FOXP1: variants seen among roughly 807,000 people sequenced by gnomAD.
FOXP1 encodes forkhead box protein P1.
In FOXP1, 15 loss-of-function variants were observed where a neutral mutation model predicts 98.2. That is an observed-to-expected ratio of 0.15 (90% confidence interval 0.10 to 0.24). The LOEUF (loss-of-function observed/expected upper bound fraction) is 0.24, where lower values mean the gene tolerates loss of function less well. Among genes scored for constraint, FOXP1 ranks in the 10% least tolerant of loss-of-function variants. The pLI is 1.00. For missense variants in FOXP1, 633 were observed against 848.5 expected (o/e 0.75, Z 3.15); for synonymous variants, 371 against 314.5 (o/e 1.18, Z -1.90).
chr3:71,271,265 A>T (rs1576687721), intron 5 of FOXP1, among the ~76,000 whole-genome samples: 1 of 152,224 alleles, frequency 6.6e-6, no homozygotes, highest in Non-Finnish European at 1.5e-5. Context: ...ACAGAAACAT[A>T]TCTAAAGATC....
chr3:71,313,564 C>T (rs1246180533), intron 4 of FOXP1, among the ~76,000 whole-genome samples: 1 of 151,512 alleles, frequency 6.6e-6, no homozygotes. Flanking sequence ...CTCGCACTCT[C>T]GCCCAGGCTG....
At chr3:71,231,224 G>A (rs1465578109) in intron 5 of FOXP1, among the ~76,000 whole-genome samples, 1 of 152,160 alleles carries the variant, frequency 6.6e-6, no homozygotes, top group East Asian at 1.9e-4. Context: ...GAAAGATGAA[G>A]ATGTAGGCTT....
At chr3:71,452,345 G>T (rs556734084) in intron 3 of FOXP1, among the ~76,000 whole-genome samples, 35 of 152,208 alleles carry the variant, frequency 2.3e-4, no homozygotes, top group African/African-American at 8.4e-4. Context: ...GAAATGGAAA[G>T]GTATTTATTC....
rs1576345628 is a variant in FOXP1 at position 71,036,863 on chromosome 3, T to C, written c.869+4465A>G. Among the ~76,000 whole-genome samples the C allele has an allele frequency of 2.0e-5, 3 of 152,364 alleles. No individual in the cohort carries two copies. The East Asian group carries it at 5.8e-4, about 29-fold the overall frequency. On this transcript the variant is annotated intron_variant, in intron 11 of 20. Transcript: ENST00000649528. Reference sequence around the variant, plus strand: ...ATTTGCACACAGTAGGTTAACTTAATACGTGTTTTGTCAAATTGAATTTCA... The same window carrying C: ...ATTTGCACACAGTAGGTTAACTTAACACGTGTTTTGTCAAATTGAATTTCA...
intron 14 of FOXP1, among the ~76,000 whole-genome samples, chr3:70,984,289 A>G (rs1172257025): frequency 6.6e-6 from 1 of 152,222 alleles, no homozygotes; most frequent in Non-Finnish European, 1.5e-5. Context: ...CTCACCAATC[A>G]GAGGGACCGA....
chr3:71,195,352 A>G (rs1293540608), intron 6 of FOXP1, among the ~76,000 whole-genome samples: 1 of 152,186 alleles, frequency 6.6e-6, no homozygotes, highest in African/African-American at 2.4e-5. Context: ...TGAAGCAAAC[A>G]TGGAAAGGTT....
At chr3:71,460,082 C>T (rs1348935240) in intron 3 of FOXP1, among the ~76,000 whole-genome samples, 3 of 151,582 alleles carry the variant, frequency 2.0e-5, no homozygotes, top group African/African-American at 7.3e-5. Flanking sequence ...TACAGGCGCC[C>T]ACCACCATGC....
chr3:71,252,634 A>C (rs1174547996), intron 5 of FOXP1, among the ~76,000 whole-genome samples: 1 of 152,182 alleles, frequency 6.6e-6, no homozygotes, highest in African/African-American at 2.4e-5. Flanking sequence ...TGGTTTACTT[A>C]CGTCACCCAG....
At position 71,019,823 on chromosome 3, in the gene FOXP1, C is replaced by A. The variant is rs11916722; in HGVS notation, c.870-4170G>T. On this transcript the variant is annotated intron_variant, in intron 11 of 20. Transcript: ENST00000649528. ...CCAGCCTGGGCGACAGATGACAGAG[C>A]GAGACACGGTCCCCCCCCCAAAAAA... Among the ~76,000 whole-genome samples the A allele has an allele frequency of 7.0e-3, 1,037 of 148,194 alleles. 17 individuals carry two copies. The highest frequency in any genetic ancestry group is 0.026 in the African/African-American group (997 of 38,340).
chr3:71,082,022 T>C (rs2054479408), intron 7 of FOXP1, among the ~76,000 whole-genome samples: 1 of 152,150 alleles, frequency 6.6e-6, no homozygotes, highest in African/African-American at 2.4e-5. Context: ...CTCACGCCTG[T>C]AATCCCAGCA....
intron 5 of FOXP1, among the ~76,000 whole-genome samples, chr3:71,268,759 T>C (rs923061506): frequency 6.6e-6 from 1 of 152,158 alleles, no homozygotes; most frequent in African/African-American, 2.4e-5. Flanking sequence ...TTATCGCTGG[T>C]GTGCTGTCAA....
Position 71,197,767 on chromosome 3 carries a change from C to T in FOXP1, c.180+435G>A, listed in dbSNP as rs2293137. On this transcript the variant is annotated intron_variant, in intron 6 of 20. Transcript: ENST00000649528. Reference sequence around the variant, plus strand: ...CTTTCTATGTATTTATTTCAACTCTCCTTACTCATCTACTCTTTTTCTCTC... The same window carrying T: ...CTTTCTATGTATTTATTTCAACTCTTCTTACTCATCTACTCTTTTTCTCTC... The T allele has an allele frequency of 0.17, 166,435 of 1,005,462 alleles. 15,556 individuals carry two copies. Among genetic ancestry groups the T allele is most frequent in the Admixed American group, 0.32 (13,393 of 42,370 alleles). 62.3% of individuals were successfully genotyped at this position (1,005,462 alleles called of 1,614,324 possible).
intron 6 of FOXP1, among the ~76,000 whole-genome samples, chr3:71,127,659 G>A (rs1188877786): frequency 1.3e-5 from 2 of 152,152 alleles, no homozygotes; most frequent in South Asian, 2.1e-4. Flanking sequence ...AGATCACAGC[G>A]CTTCCAGGTC....
intron 3 of FOXP1, among the ~76,000 whole-genome samples, chr3:71,434,619 A>G (rs559718366): frequency 7.1e-6 from 1 of 140,178 alleles, no homozygotes; most frequent in African/African-American, 2.8e-5. Context: ...GGTGACCCTC[A>G]TGAGGGGATG....
chr3:71,010,916 C>T (rs1305607296), intron 12 of FOXP1, among the ~76,000 whole-genome samples: 2 of 133,294 alleles, frequency 1.5e-5, no homozygotes, highest in Non-Finnish European at 3.1e-5. Flanking sequence ...TCTTTCAGTT[C>T]GGTTCAATGG....
chr3:71,088,758 T>TA (rs916077854), intron 7 of FOXP1, among the ~76,000 whole-genome samples: 2 of 152,222 alleles, frequency 1.3e-5, no homozygotes, highest in African/African-American at 4.8e-5. Flanking sequence ...TTGAAGGTCT[T>TA]ACAGCTTTGA....
chr3:71,576,719 T>C (rs2047747102), intron 2 of FOXP1, among the ~76,000 whole-genome samples: 1 of 152,172 alleles, frequency 6.6e-6, no homozygotes, highest in South Asian at 2.1e-4. Flanking sequence ...CCTTAAATTA[T>C]TACAACTGAA....
At chr3:71,421,945 G>A (rs759539381) in intron 3 of FOXP1, among the ~76,000 whole-genome samples, 1 of 152,174 alleles carries the variant, frequency 6.6e-6, no homozygotes, top group African/African-American at 2.4e-5. Context: ...CCCTCTTGAC[G>A]TGGCCTTGGT....
intron 17 of FOXP1, among the ~76,000 whole-genome samples, chr3:70,975,985 T>C (rs994034779): frequency 6.6e-6 from 1 of 151,970 alleles, no homozygotes; most frequent in Non-Finnish European, 1.5e-5. Context: ...AATAGTATTA[T>C]AATGAATATA....
Sources: allele counts gnomAD v4.1 joint callset (sites outside exome capture counted in the v4.1 genomes callset), GRCh38; gene constraint gnomAD v4.1.1; transcripts MANE v1.5; gene names NCBI Gene and HGNC (gene_info 2026-07-23, HGNC 2026-07-21).